The following NBEAL1 variants were observed in gnomAD, a reference collection of about 807,000 sequenced individuals.
NBEAL1 encodes the protein neurobeachin-like protein 1.
In NBEAL1, 273 loss-of-function variants were observed where a neutral mutation model predicts 351.3. That is an observed-to-expected ratio of 0.78 (90% CI 0.70 to 0.86). The LOEUF is 0.86. Among genes scored for constraint, NBEAL1 ranks in the 40% least tolerant of loss-of-function variants. The pLI is 0.00. For synonymous variants in NBEAL1, 1,050 were observed against 1,086.4 expected (o/e 0.97, Z 0.66); for missense variants, 2,961 against 3,201.3 (o/e 0.92, Z 1.81).
chr2:203,136,412 G>T (rs1459623981), intron 28 of NBEAL1, among the ~76,000 whole-genome samples, 160 bp downstream of exon 28: 1 of 152,114 alleles, frequency 6.6e-6, no homozygotes, highest in Non-Finnish European at 1.5e-5. Flanking sequence ...ACTAGATTGT[G>T]AGTTTTTTGA....
At chr2:203,122,068 G>A (rs1488820923) in intron 18 of NBEAL1, among the ~76,000 whole-genome samples, 186 bp from the exon 19 acceptor site, 5 of 152,156 alleles carry the variant, frequency 3.3e-5, no homozygotes, top group South Asian at 2.1e-4. Context: ...TTACAGGCAT[G>A]AGCCACCACG....
chr2:203,067,533 A>G (rs2061613694), intron 6 of NBEAL1, among the ~76,000 whole-genome samples: 1 of 152,214 alleles, frequency 6.6e-6, no homozygotes, highest in African/African-American at 2.4e-5. Context: ...AAGTAATTTC[A>G]ATAGCTCAAT....
Position 203,076,485 on chromosome 2 carries a change from ACAAAC to A in NBEAL1, c.599-1266_599-1262del, listed in dbSNP as rs1559349040. Among the ~76,000 whole-genome samples, 20 of 138,470 alleles carry A rather than the reference ACAAAC, an allele frequency of 1.4e-4. 1 individual carries two copies. The highest frequency in any genetic ancestry group is 3.4e-4 in the African/African-American group (13 of 38,012). 90.8% of individuals were successfully genotyped at this position (138,470 alleles called of 152,430 possible). ...AAGTAAGACCCTGTCTCAAAAACAA[ACAAAC>A]AAACAAAAAAAAAAGTAGAAAGATG... On this transcript the variant is annotated intron_variant, in intron 7 of 55. Transcript: ENST00000683969.
At chr2:203,033,201 A>G (rs539703695) in intron 2 of NBEAL1, among the ~76,000 whole-genome samples, 1 of 149,036 alleles carries the variant, frequency 6.7e-6, no homozygotes, top group South Asian at 2.1e-4. Context: ...GAGGTTTCAC[A>G]GTGTTAGCCA....
intron 3 of NBEAL1, among the ~76,000 whole-genome samples, chr2:203,048,988 G>A (rs1457910981): frequency 6.7e-6 from 1 of 149,880 alleles, no homozygotes; most frequent in African/African-American, 2.5e-5. Flanking sequence ...CTAAAACAAT[G>A]ATGTTTAGTA....
At chr2:203,213,492 G>C (rs1441566072) in intron 54 of NBEAL1, 26 bp from the exon 55 acceptor site, 2 of 1,585,244 alleles carry the variant, frequency 1.3e-6, no homozygotes, top group Non-Finnish European at 1.7e-6. Context: ...GTGTAATTAT[G>C]TCTGTATTTT....
chr2:203,218,330 T>TTG lies in NBEAL1; in HGVS notation c.*977_*978insGT. ...TTATAGCTAATTTTATTATATAGTG[T>TTG]TAAATGTTGTGGTTGATTATTAAGA... On this transcript the variant is annotated 3_prime_UTR_variant, in exon 56 of 56. Coordinates refer to ENST00000683969, the MANE Select transcript of NBEAL1 (RefSeq NM_001378026.1). 1 of 152,080 alleles carries TTG rather than the reference T, an allele frequency of 6.6e-6. No homozygotes were observed. Among genetic ancestry groups the TTG allele is most frequent in the East Asian group, 1.9e-4 (1 of 5,186 alleles). 9.4% of individuals were successfully genotyped at this position (152,080 alleles called of 1,614,324 possible).
At chr2:203,139,223 G>A (rs2106322414) in intron 31 of NBEAL1, among the ~76,000 whole-genome samples, 1 of 151,638 alleles carries the variant, frequency 6.6e-6, no homozygotes, top group Middle Eastern at 3.4e-3. Context: ...CATTGTGCTA[G>A]GTTTTAGATA....
intron 19 of NBEAL1, among the ~76,000 whole-genome samples, chr2:203,123,930 A>T (rs2062883315): frequency 6.6e-6 from 1 of 152,200 alleles, no homozygotes; most frequent in East Asian, 1.9e-4. Flanking sequence ...CAAATCAAAG[A>T]CCAAAAAAGT....
rs571522411 is a variant in NBEAL1 at position 203,166,703 on chromosome 2, C to T, written c.5863+406C>T. 3.9e-5 allele frequency among the ~76,000 whole-genome samples: 6 copies of T among 151,996 alleles called. No individual in the cohort carries two copies. In the East Asian group the frequency reaches 5.8e-4, roughly 15 times the overall value. On this transcript the variant is annotated intron_variant, in intron 37 of 55. Coordinates refer to ENST00000683969, the MANE Select transcript of NBEAL1 (RefSeq NM_001378026.1). ...CTGGGCTTACAGGCATGTGCCACCA[C>T]GCCCAGCTAATTTTGTATTTTTTTT...
At chr2:203,074,280 A>G (rs2061730646) in intron 7 of NBEAL1, among the ~76,000 whole-genome samples, 1 of 151,804 alleles carries the variant, frequency 6.6e-6, no homozygotes, top group South Asian at 2.1e-4. Context: ...TTAATCTGCA[A>G]ATGTTGGGGG....
At chr2:203,126,796 T>C (rs1325381315) in intron 22 of NBEAL1, 28 bp from the exon 23 acceptor site, 2 of 1,539,880 alleles carry the variant, frequency 1.3e-6, no homozygotes, top group East Asian at 4.9e-5. Context: ...TTTAGCTGAA[T>C]TACTTACCAT....
chr2:203,072,311 C>G (rs1277847448), intron 7 of NBEAL1, among the ~76,000 whole-genome samples: 1 of 152,014 alleles, frequency 6.6e-6, no homozygotes, highest in East Asian at 1.9e-4. Flanking sequence ...CATTCCTGGC[C>G]TCACTGAGCT....
chr2:203,111,893 A>G, intron 15 of NBEAL1, 86 bp from the exon 16 acceptor site: 1 of 1,410,996 alleles, frequency 7.1e-7, no homozygotes, highest in Non-Finnish European at 9.5e-7. Context: ...TATTTGTACA[A>G]ATTATAGAGC....
intron 35 of NBEAL1, among the ~76,000 whole-genome samples, chr2:203,152,906 C>T (rs553535277): frequency 2.6e-5 from 4 of 151,772 alleles, no homozygotes; most frequent in Non-Finnish European, 4.4e-5. Context: ...GGCATGGTGG[C>T]GGGCACCTGT....
intron 44 of NBEAL1, among the ~76,000 whole-genome samples, chr2:203,184,656 T>TTATATATTTATAAAATAAG (rs2064842207): frequency 1.3e-5 from 2 of 151,568 alleles, no homozygotes; most frequent in Admixed American, 6.6e-5. Context: ...TTTTCTATCA[T>TTATATATTTATAAAATAAG]TATATATTTA....
chr2:203,028,485 C>T (rs976890771), intron 2 of NBEAL1, among the ~76,000 whole-genome samples: 2 of 151,648 alleles, frequency 1.3e-5, no homozygotes, highest in Non-Finnish European at 2.9e-5. Flanking sequence ...ACTTTTAGTT[C>T]TTTATGGATG....
chr2:203,083,252 A>G lies in NBEAL1; in HGVS notation c.718A>G (p.Met240Val), dbSNP rs750235298. 29 of 1,551,686 alleles carry G rather than the reference A, an allele frequency of 1.9e-5. No homozygotes were observed. Among genetic ancestry groups the G allele is most frequent in the African/African-American group, 9.6e-5 (7 of 73,108 alleles). Residue 240 changes from methionine (M) to valine (V), a missense_variant, in exon 9 of 56, where the codon ATG (methionine) becomes GTG (valine). Transcript: ENST00000683969. ...TTTGCAAGCAATTTCTCCAGCCACT[A>G]TGGAAGTTCTTATGCGAGTATTGGC... The part of the protein sequence containing the change: ...NALQAISPAT[M>V]EVLMRVLADC...
chr2:203,213,883 T>G (rs1559072207), intron 55 of NBEAL1: 1 of 644,320 alleles, frequency 1.6e-6, no homozygotes, highest in African/African-American at 2.0e-5. Flanking sequence ...TCTATAGGAA[T>G]AAGACAGTTC....
Sources: allele counts gnomAD v4.1 joint callset (sites outside exome capture counted in the v4.1 genomes callset), GRCh38; gene constraint gnomAD v4.1.1; transcripts MANE v1.5; gene names NCBI Gene and HGNC (gene_info 2026-07-23, HGNC 2026-07-21).